CRCP: variants seen among roughly 807,000 people sequenced by gnomAD.
CRCP encodes DNA-directed RNA polymerase III subunit RPC9.
In CRCP, 18 loss-of-function variants were observed where a neutral mutation model predicts 18.5. The ratio of observed to expected loss-of-function variants is 0.97; its 90% confidence interval spans 0.67 to 1.44. CRCP has a LOEUF of 1.44. CRCP is among the 40% of genes most tolerant of loss of function. The pLI is 0.00. For missense variants in CRCP, 130 were observed against 176.4 expected (o/e 0.74, Z 1.49); for synonymous variants, 53 against 62.9 (o/e 0.84, Z 0.75).
Position 66,125,857 on chromosome 7 carries a change from T to A in CRCP, c.9-1847T>A, listed in dbSNP as rs570191730. Among the ~76,000 whole-genome samples the A allele has an allele frequency of 2.9e-4, 44 of 149,212 alleles. 4 individuals are homozygous for A. The highest frequency in any genetic ancestry group is 4.5e-4 in the Non-Finnish European group (30 of 66,730). On this transcript the variant is annotated intron_variant, in intron 1 of 5. Coordinates refer to ENST00000395326, the MANE Select transcript of CRCP (RefSeq NM_014478.5). ...TCGAGTCAAGTATTCCAGGAAGGGA[T>A]GTTTTAATGCCTCATATTTTGGAGA...
At chr7:66,136,300 G>A (rs747810033) in intron 4 of CRCP, among the ~76,000 whole-genome samples, 8 of 151,646 alleles carry the variant, frequency 5.3e-5, no homozygotes, top group Non-Finnish European at 7.4e-5. Flanking sequence ...GTGCAATCTC[G>A]GCTCACCGCA....
At chr7:66,122,640 G>T (rs199863652) in intron 1 of CRCP, among the ~76,000 whole-genome samples, 9 of 142,656 alleles carry the variant, frequency 6.3e-5, no homozygotes, top group East Asian at 4.2e-4. Context: ...CAGTTGTTTT[G>T]TTTTTTTTTT....
At position 66,114,958 on chromosome 7, in the gene CRCP, AC is replaced by A; in HGVS notation, c.-4del. 1 of 1,611,896 alleles carries A rather than the reference AC, an allele frequency of 6.2e-7. No individual in the cohort carries two copies. The highest frequency in any genetic ancestry group is 8.5e-7 in the Non-Finnish European group (1 of 1,178,384). ...TGGCAGCTAGGGGCGACGAGGCGGG[AC>A]GTCATGGAAGTGTAAGTCTTCTCGG... On this transcript the variant is annotated 5_prime_UTR_variant, in exon 1 of 6. Coordinates refer to ENST00000395326, the MANE Select transcript of CRCP (RefSeq NM_014478.5).
At chr7:66,131,316 G>A (rs1429043461) in intron 3 of CRCP, among the ~76,000 whole-genome samples, 1 of 152,142 alleles carries the variant, frequency 6.6e-6, no homozygotes, top group East Asian at 1.9e-4. Context: ...AGTGAGAGGA[G>A]TTTGGTCAAG....
At chr7:66,118,699 G>T (rs1787346292) in intron 1 of CRCP, among the ~76,000 whole-genome samples, 1 of 152,124 alleles carries the variant, frequency 6.6e-6, no homozygotes, top group Non-Finnish European at 1.5e-5. Context: ...ATCTCTAGAT[G>T]ACTTATTATG....
intron 1 of CRCP, among the ~76,000 whole-genome samples, chr7:66,117,079 C>T (rs967945295): frequency 1.4e-5 from 2 of 147,602 alleles, no homozygotes; most frequent in Admixed American, 1.4e-4. Flanking sequence ...CAAATTGTGC[C>T]ACTGCACTCC....
chr7:66,140,933 T>C (rs1788118286), intron 4 of CRCP, among the ~76,000 whole-genome samples: 1 of 152,228 alleles, frequency 6.6e-6, no homozygotes, highest in Non-Finnish European at 1.5e-5. Context: ...CCATGATCTA[T>C]ATAAATTTAA....
chr7:66,135,314 T>G (rs187667590), intron 4 of CRCP, among the ~76,000 whole-genome samples: 6 of 152,190 alleles, frequency 3.9e-5, no homozygotes, highest in Non-Finnish European at 8.8e-5. Flanking sequence ...GTAATTCTTC[T>G]CTAATTATTG....
rs35682014 is a variant in CRCP at position 66,130,097 on chromosome 7, C to CTTTTTT, written c.46-626_46-621dup. On this transcript the variant is annotated intron_variant, in intron 2 of 5. Coordinates refer to ENST00000395326, the MANE Select transcript of CRCP (RefSeq NM_014478.5). ...ATTTTTATACTAGAGAAGCAGGATT[C>CTTTTTT]TTTTTTTTTTTTTTTTTTTTTTTTT... 4.4e-4 allele frequency: 44 copies of CTTTTTT among 100,570 alleles called. 1 individual carries two copies. Among genetic ancestry groups the CTTTTTT allele is most frequent in the South Asian group, 8.4e-4 (10 of 11,950 alleles). The allele number at this position is 100,570 out of a possible 1,614,324, so 6.2% of individuals were successfully genotyped here. A position where few individuals can be genotyped will look rare whatever the true frequency, so the allele number is the denominator to read the frequency against.
chr7:66,125,608 C>T (rs936923144), intron 1 of CRCP, among the ~76,000 whole-genome samples: 3 of 149,096 alleles, frequency 2.0e-5, no homozygotes, highest in Admixed American at 6.7e-5. Context: ...GGTTTTCCTC[C>T]TTTATATTCG....
At chr7:66,137,567 G>A (rs1157984751) in intron 4 of CRCP, among the ~76,000 whole-genome samples, 1 of 152,222 alleles carries the variant, frequency 6.6e-6, no homozygotes, top group African/African-American at 2.4e-5. Flanking sequence ...CATTAAGTAT[G>A]ATGCTAGTTT....
intron 2 of CRCP, among the ~76,000 whole-genome samples, chr7:66,129,895 A>G (rs1397246480): frequency 6.6e-6 from 1 of 152,084 alleles, no homozygotes; most frequent in Non-Finnish European, 1.5e-5. Flanking sequence ...TCTCTAAAAC[A>G]GGAATGAGAC....
intron 1 of CRCP, among the ~76,000 whole-genome samples, chr7:66,125,664 A>G (rs927351238): frequency 2.7e-5 from 4 of 149,110 alleles, no homozygotes; most frequent in African/African-American, 9.7e-5. Context: ...GCATTACACT[A>G]TTGACTTGTT....
At chr7:66,129,977 T>TC (rs1787743253) in intron 2 of CRCP, 1 of 248,158 alleles carries the variant, frequency 4.0e-6, no homozygotes, top group Non-Finnish European at 7.9e-6. Context: ...CTTCTAAAGA[T>TC]CCATAGCATT....
intron 4 of CRCP, among the ~76,000 whole-genome samples, chr7:66,140,855 A>G (rs765866018): frequency 3.3e-5 from 5 of 152,166 alleles, no homozygotes; most frequent in African/African-American, 4.8e-5. Context: ...TACTGTAAGT[A>G]TGGACAAATA....
chr7:66,142,920 CTA>C (rs1788182365), intron 4 of CRCP, among the ~76,000 whole-genome samples: 1 of 152,212 alleles, frequency 6.6e-6, no homozygotes, highest in Admixed American at 6.5e-5. Context: ...GCAAATAAAT[CTA>C]GTGCTGGTTT....
At chr7:66,137,195 ATTTT>A (rs1787997891) in intron 4 of CRCP, among the ~76,000 whole-genome samples, 1 of 152,046 alleles carries the variant, frequency 6.6e-6, no homozygotes, top group African/African-American at 2.4e-5. Flanking sequence ...TTCTGCACAA[ATTTT>A]TTTAGATTTA....
chr7:66,143,203 A>G (rs1046963393), intron 4 of CRCP, among the ~76,000 whole-genome samples: 4 of 152,092 alleles, frequency 2.6e-5, no homozygotes, highest in Non-Finnish European at 4.4e-5. Flanking sequence ...GGCCAACTTC[A>G]TAACTCACTC....
At chr7:66,124,281 A>T (rs929474709) in intron 1 of CRCP, among the ~76,000 whole-genome samples, 1 of 150,496 alleles carries the variant, frequency 6.6e-6, no homozygotes, top group Non-Finnish European at 1.5e-5. Context: ...AATGGCATGA[A>T]CCTGGGAGGC....
Sources: allele counts gnomAD v4.1 joint callset (sites outside exome capture counted in the v4.1 genomes callset), GRCh38; gene constraint gnomAD v4.1.1; transcripts MANE v1.5; gene names NCBI Gene and HGNC (gene_info 2026-07-23, HGNC 2026-07-21).